HMCN2: variants seen among roughly 807,000 people sequenced by gnomAD.
HMCN2 encodes the protein hemicentin 2, also known as hemicentin-2.
HMCN2 carries 325 observed loss-of-function variants against 377.5 expected under a neutral mutation model. That is an observed-to-expected ratio of 0.86 (90% confidence interval 0.79 to 0.94). The LOEUF (loss-of-function observed/expected upper bound fraction) is 0.94, where lower values mean the gene tolerates loss of function less well. Among genes scored for constraint, HMCN2 ranks in the 40% least tolerant of loss-of-function variants. The pLI is 0.00. For missense variants in HMCN2, 4,543 were observed against 4,725.3 expected, an observed-to-expected ratio of 0.96 and a Z score of 1.13; for synonymous variants, 2,007 against 2,046.8, an observed-to-expected ratio of 0.98 and a Z score of 0.53.
At chr9:130,365,818 C>A in intron 42 of HMCN2, 58 bp from the exon 43 acceptor site, 1 of 982,894 alleles carries the variant, frequency 1.0e-6, no homozygotes, top group Non-Finnish European at 1.2e-6. Flanking sequence ...CCTCGCCTTG[C>A]TCATCCCCTC....
chr9:130,364,879 C>G lies in HMCN2; in HGVS notation c.6398C>G (p.Ala2133Gly), dbSNP rs149640207. Residue 2133 changes from alanine to glycine, a missense_variant, in exon 41 of 98, where the codon GCC becomes GGC. Around this residue, in one of 5 missense-constraint regions of HMCN2, gnomAD observed 1,032 missense variants for 1,285.1 expected, o/e 0.80. Transcript: ENST00000683500. ...RPGVHLSADK[A>G]LLQVDRADVW... ...GGAGTCCACCTCTCCGCAGACAAAG[C>G]CTTGCTGCAGGTGTGCAGGCCCCTG... is the stretch of plus-strand genomic sequence containing the variant. The G allele has an allele frequency of 3.0e-6, 3 of 985,916 alleles. No individual in the cohort carries two copies. Among genetic ancestry groups the G allele is most frequent in the East Asian group, 1.1e-4 (1 of 8,814 alleles). The allele number at this position is 985,916 out of a possible 1,614,324, so 61.1% of individuals were successfully genotyped here.
intron 22 of HMCN2, among the ~76,000 whole-genome samples, chr9:130,335,317 G>A (rs1224072117): frequency 5.9e-5 from 9 of 152,180 alleles, no homozygotes; most frequent in African/African-American, 1.7e-4. Flanking sequence ...GGTGGGTGTC[G>A]ACATGTCAAC....
In HMCN2 at chr9:130,422,720, A is replaced by C; in HGVS notation, c.13375A>C (p.Asn4459His). The change falls in exon 87 of 98, where the codon AAC (asparagine) becomes CAC (histidine). Residue 4459 changes from asparagine to histidine, a missense_variant. By Grantham distance (68) the Asn-to-His change is moderately conservative. This residue lies in a region of HMCN2 where 1,155 missense variants were observed against 1,157.7 expected (regional missense o/e 1.00). Transcript: ENST00000683500. The surrounding 1 kb of genome is among the most constrained non-coding windows in gnomAD (Gnocchi z 4.2). ...IHSSIRHVPANVGPLMRVLVV... is the reference protein window; with the variant it reads ...IHSSIRHVPAHVGPLMRVLVV... ...CAGCAGCATCCGCCATGTCCCAGCAAACGTGGGTGAGTGGAAGGCAGAGCA... is the reference window on the plus strand; with the variant it reads ...CAGCAGCATCCGCCATGTCCCAGCACACGTGGGTGAGTGGAAGGCAGAGCA... The C allele has an allele frequency of 7.8e-7, 1 of 1,281,630 alleles. No homozygotes were observed. Among genetic ancestry groups the C allele is most frequent in the Non-Finnish European group, 9.9e-7 (1 of 1,005,498 alleles). 79.4% of individuals were successfully genotyped at this position (1,281,630 alleles called of 1,614,324 possible). A position where few individuals can be genotyped will look rare whatever the true frequency, so the allele number is the denominator to read the frequency against.
At chr9:130,293,512 T>G (rs1248519895) in intron 4 of HMCN2, among the ~76,000 whole-genome samples, 1 of 152,078 alleles carries the variant, frequency 6.6e-6, no homozygotes, top group East Asian at 1.9e-4. Context: ...TCCCTTCCTC[T>G]CCCTCTGTCT....
intron 22 of HMCN2, among the ~76,000 whole-genome samples, chr9:130,331,019 G>A (rs1277401668): frequency 7.4e-6 from 1 of 135,126 alleles, no homozygotes; most frequent in East Asian, 2.2e-4. Flanking sequence ...ATAGCCGGAC[G>A]TGGTGGTGCG....
intron 42 of HMCN2, 24 bp downstream of exon 42, chr9:130,365,751 G>T: frequency 1.0e-6 from 1 of 983,668 alleles, no homozygotes; most frequent in Non-Finnish European, 1.2e-6. Flanking sequence ...AGGCTGGGCA[G>T]GGGGAGGGGG....
chr9:130,267,194 T>G (rs1554919425), intron 1 of HMCN2, among the ~76,000 whole-genome samples: 1 of 151,680 alleles, frequency 6.6e-6, no homozygotes, highest in African/African-American at 2.4e-5. Context: ...ATCCTCCCAC[T>G]TAGGCCTCCC....
chr9:130,354,658 C>T, intron 31 of HMCN2, 105 bp from the exon 32 acceptor site: 1 of 983,202 alleles, frequency 1.0e-6, no homozygotes, highest in Non-Finnish European at 1.4e-6. Flanking sequence ...AAGTGTTTCA[C>T]ATGGAGTGGG....
At chr9:130,336,825 T>C (rs960594178) in intron 22 of HMCN2, among the ~76,000 whole-genome samples, 2 of 151,868 alleles carry the variant, frequency 1.3e-5, no homozygotes, top group African/African-American at 2.4e-5. Flanking sequence ...TTGCTCACCA[T>C]GTCTCATGTG....
At position 130,354,605 on chromosome 9, in the gene HMCN2, C is replaced by T. The variant is rs548772632; in HGVS notation, c.4865-158C>T. Among the ~76,000 whole-genome samples the T allele has an allele frequency of 1.1e-4, 16 of 152,236 alleles. No homozygotes were observed. The East Asian group carries it at 1.9e-3, about 18-fold the overall frequency. On this transcript the variant is annotated intron_variant, in intron 31 of 97. Transcript: ENST00000683500. ...GCTGAGGAGGGTGAGAATGCTGCCC[C>T]GGGGTCTGAGCAAGGGGTTCAGCCA...
chr9:130,400,883 G>A lies in HMCN2; in HGVS notation c.11706G>A (p.Val3902=), dbSNP rs1024560577. 5 of 1,289,422 alleles carry A rather than the reference G, an allele frequency of 3.9e-6. No homozygotes were observed. In the African/African-American group the frequency reaches 7.6e-5, roughly 20 times the overall value. 79.9% of individuals were successfully genotyped at this position (1,289,422 alleles called of 1,614,324 possible). The part of the protein sequence containing the change: ...CHSTGIPAPT[V]SWSKAGAQLG... ...GCACGGGTATACCAGCTCCGACCGTGTCCTGGAGCAAGGCAGGCGCCCAGC... is the reference window on the plus strand; with the variant it reads ...GCACGGGTATACCAGCTCCGACCGTATCCTGGAGCAAGGCAGGCGCCCAGC... The change falls in exon 77 of 98, where the codon GTG becomes GTA. Residue 3902 remains valine (V), a synonymous_variant. Transcript: ENST00000683500.
At chr9:130,285,964 T>C (rs1835389255) in intron 3 of HMCN2, among the ~76,000 whole-genome samples, 1 of 152,220 alleles carries the variant, frequency 6.6e-6, no homozygotes, top group Non-Finnish European at 1.5e-5. Flanking sequence ...ACCTACTGTT[T>C]TCCTGGCCCT....
Position 130,433,755 on chromosome 9 carries a change from T to C in HMCN2, c.*62T>C. 7.8e-7 allele frequency: 1 copy of C among 1,284,818 alleles called. No individual in the cohort carries two copies. The highest frequency in any genetic ancestry group is 3.8e-5 in the Admixed American group (1 of 26,656). The allele number at this position is 1,284,818 out of a possible 1,614,324, so 79.6% of individuals were successfully genotyped here. A position where few individuals can be genotyped will look rare whatever the true frequency, so the allele number is the denominator to read the frequency against. On this transcript the variant is annotated 3_prime_UTR_variant, in exon 98 of 98. Coordinates refer to ENST00000683500, the MANE Select transcript of HMCN2 (RefSeq NM_001291815.2). ...CCCGAGGAAGGGGTCGAGGAGAAGC[T>C]TGGTCCACGCCACCTGCTGTGGCAA...
At position 130,265,782 on chromosome 9, in the gene HMCN2, G is replaced by T; in HGVS notation, c.-97G>T. On this transcript the variant is annotated 5_prime_UTR_variant, in exon 1 of 98. Transcript: ENST00000683500. Reference sequence around the variant, plus strand: ...CGCGCACTGGCCGCGGCCCGACGGAGCAAGGCACTGCCTGCAGCCGCCGTG... The same window carrying T: ...CGCGCACTGGCCGCGGCCCGACGGATCAAGGCACTGCCTGCAGCCGCCGTG... 1 of 264,872 alleles carries T rather than the reference G, an allele frequency of 3.8e-6. No individual in the cohort carries two copies. The allele number at this position is 264,872 out of a possible 1,614,324, so 16.4% of individuals were successfully genotyped here.
intron 85 of HMCN2, among the ~76,000 whole-genome samples, chr9:130,413,980 TA>T (rs148378014): frequency 0.043 from 4,214 of 97,404 alleles, 69 homozygotes; most frequent in African/African-American, 0.072. Flanking sequence ...ACCCCATCTC[TA>T]CCAAAAATAC....
chr9:130,305,871 G>A (rs782646150), intron 11 of HMCN2, among the ~76,000 whole-genome samples: 3 of 152,182 alleles, frequency 2.0e-5, no homozygotes, highest in Non-Finnish European at 4.4e-5. Flanking sequence ...TGGAGTGGAC[G>A]TTCTAGGAGC....
chr9:130,432,184 A>G (rs928057281), intron 96 of HMCN2, among the ~76,000 whole-genome samples: 2 of 152,196 alleles, frequency 1.3e-5, no homozygotes, highest in Non-Finnish European at 2.9e-5. Flanking sequence ...CCTACCCAGC[A>G]CTTGCTCAGG....
At chr9:130,268,273 T>A (rs1238207959) in intron 1 of HMCN2, among the ~76,000 whole-genome samples, 2 of 152,142 alleles carry the variant, frequency 1.3e-5, no homozygotes, top group African/African-American at 2.4e-5. Context: ...TGGTGGGCAG[T>A]TCTCCAGCCT....
Position 130,375,572 on chromosome 9 carries a change from C to G in HMCN2, c.7640C>G (p.Thr2547Ser). The part of the protein sequence containing the change: ...HFQLSVLLAP[T>S]ILGGAEDSAD... ...TGGCCCCCCATCACAGTGGCTCCCA[C>G]CATCCTGGGAGGGGCCGAGGACAGT... is the stretch of plus-strand genomic sequence containing the variant. The change falls in exon 50 of 98, where the codon ACC (threonine) becomes AGC (serine). Residue 2547 changes from threonine to serine, a missense_variant. Coordinates refer to ENST00000683500, the MANE Select transcript of HMCN2 (RefSeq NM_001291815.2). The G allele has an allele frequency of 2.0e-6, 2 of 985,912 alleles. No individual in the cohort carries two copies. The highest frequency in any genetic ancestry group is 2.4e-6 in the Non-Finnish European group (2 of 829,954). 61.1% of individuals were successfully genotyped at this position (985,912 alleles called of 1,614,324 possible). A position where few individuals can be genotyped will look rare whatever the true frequency, so the allele number is the denominator to read the frequency against.
Sources: allele counts gnomAD v4.1 joint callset (sites outside exome capture counted in the v4.1 genomes callset), GRCh38; gene constraint gnomAD v4.1.1; regional missense constraint gnomAD v4.1.1; non-coding constraint Gnocchi (gnomAD v3.1); transcripts MANE v1.5; gene names NCBI Gene and HGNC (gene_info 2026-07-23, HGNC 2026-07-21).